Variants in OCA2 observed in about 807,000 individuals in gnomAD.
The protein encoded by OCA2 is OCA2 melanosomal transmembrane protein.
A neutral mutation model predicts 100.2 loss-of-function variants in OCA2; 77 were observed. The observed-to-expected ratio is 0.77, with a 90% CI of 0.64 to 0.93. The LOEUF (loss-of-function observed/expected upper bound fraction) is 0.93, where lower values mean the gene tolerates loss of function less well. Among genes scored for constraint, OCA2 ranks in the 40% least tolerant of loss-of-function variants. The probability of loss-of-function intolerance (pLI) is 0.00; values close to 1 mark genes in which losing one functional copy is unlikely to be tolerated. For synonymous variants in OCA2, 432 were observed against 439.2 expected, an observed-to-expected ratio of 0.98 and a Z score of 0.21; for missense variants, 1,062 against 1,089.1, an observed-to-expected ratio of 0.98 and a Z score of 0.35.
chr15:27,899,280 G>A (rs895690202), intron 19 of OCA2, among the ~76,000 whole-genome samples: 1 of 152,128 alleles, frequency 6.6e-6, no homozygotes, highest in Non-Finnish European at 1.5e-5. Context: ...ATAAATTCGG[G>A]TTAAGCCACT....
chr15:27,790,820 G>C (rs2033046289), intron 23 of OCA2, among the ~76,000 whole-genome samples: 1 of 138,928 alleles, frequency 7.2e-6, no homozygotes, highest in Non-Finnish European at 1.5e-5. Context: ...AGGGCAACTT[G>C]CTCTGTTGCC....
At position 27,913,880 on chromosome 15, in the gene OCA2, AAAGAAAGAAAGAAAGC is replaced by A. The variant is rs1164049693; in HGVS notation, c.2079+12231_2079+12246del. ...GAAAGAAAGAAAGAAAGAAAGAAAG[AAAGAAAGAAAGAAAGC>A]AAGCAAGCAAGCAAGCAAGCAAGCA... On this transcript the variant is annotated intron_variant, in intron 19 of 23. Transcript: ENST00000354638. Among the ~76,000 whole-genome samples the A allele has an allele frequency of 1.1e-3, 73 of 66,134 alleles. 1 individual carries two copies. Among genetic ancestry groups the A allele is most frequent in the Non-Finnish European group, 1.5e-3 (55 of 37,392 alleles). The allele number at this position is 66,134 out of a possible 152,430, so 43.4% of individuals were successfully genotyped here.
intron 21 of OCA2, among the ~76,000 whole-genome samples, chr15:27,866,458 G>C (rs1194153074): frequency 6.6e-6 from 1 of 152,232 alleles, no homozygotes; most frequent in East Asian, 1.9e-4. Context: ...AGGATGGCAG[G>C]CCAGGGAGGA....
At chr15:28,006,670 A>C (rs1384116401) in intron 9 of OCA2, among the ~76,000 whole-genome samples, 1 of 152,244 alleles carries the variant, frequency 6.6e-6, no homozygotes, top group Non-Finnish European at 1.5e-5. Flanking sequence ...TATCTCTGGA[A>C]CAAGGTAATG....
intron 19 of OCA2, among the ~76,000 whole-genome samples, chr15:27,879,760 CAGAT>C (rs530707610): frequency 6.0e-4 from 92 of 152,168 alleles, no homozygotes; most frequent in African/African-American, 2.1e-3. Flanking sequence ...AGACCTTTGT[CAGAT>C]AGATAGAGTG....
intron 23 of OCA2, among the ~76,000 whole-genome samples, chr15:27,819,840 T>A (rs2034438543): frequency 6.6e-6 from 1 of 152,202 alleles, no homozygotes; most frequent in Non-Finnish European, 1.5e-5. Context: ...AGATCTTGGC[T>A]TATAATACCA....
chr15:27,919,264 T>C (rs1199799069), intron 19 of OCA2, among the ~76,000 whole-genome samples: 1 of 152,132 alleles, frequency 6.6e-6, no homozygotes, highest in Non-Finnish European at 1.5e-5. Flanking sequence ...GCCATAATCC[T>C]TCATATTTAC....
At chr15:28,038,011 T>G (rs2043094153) in intron 2 of OCA2, among the ~76,000 whole-genome samples, 1 of 152,184 alleles carries the variant, frequency 6.6e-6, no homozygotes, top group African/African-American at 2.4e-5. Flanking sequence ...TCTTTCTCTC[T>G]TTCTCTTTCT....
chr15:27,968,453 G>C (rs1273325334), intron 14 of OCA2, among the ~76,000 whole-genome samples: 1 of 152,230 alleles, frequency 6.6e-6, no homozygotes, highest in Non-Finnish European at 1.5e-5. Context: ...CAGAACGTTA[G>C]TGAGGATCCC....
At chr15:28,037,196 T>C (rs570545226) in intron 2 of OCA2, among the ~76,000 whole-genome samples, 2 of 151,018 alleles carry the variant, frequency 1.3e-5, no homozygotes, top group East Asian at 3.9e-4. Flanking sequence ...AGCCTGGGAG[T>C]GGGACCAAGA....
intron 23 of OCA2, among the ~76,000 whole-genome samples, chr15:27,835,281 C>T (rs1465440131): frequency 2.0e-5 from 3 of 152,202 alleles, no homozygotes; most frequent in African/African-American, 7.2e-5. Context: ...TTCGCCAGCA[C>T]TAATATATTC....
intron 14 of OCA2, among the ~76,000 whole-genome samples, chr15:27,980,049 T>G (rs2041104762): frequency 6.6e-6 from 1 of 151,594 alleles, no homozygotes; most frequent in Admixed American, 6.6e-5. Context: ...TTCCAGGCTT[T>G]ATTTTATTGT....
At chr15:28,014,745 G>A (rs767270148) in intron 9 of OCA2, 31 bp downstream of exon 9, 1 of 1,607,128 alleles carries the variant, frequency 6.2e-7, no homozygotes, top group Non-Finnish European at 8.5e-7. Context: ...TGTGGGCCCA[G>A]ACAGATCGGG....
chr15:28,015,555 C>G (rs1200504188), intron 8 of OCA2, among the ~76,000 whole-genome samples: 1 of 152,014 alleles, frequency 6.6e-6, no homozygotes, highest in Admixed American at 6.6e-5. Flanking sequence ...GGATGGGTGT[C>G]CATACAAGGA....
At chr15:27,869,878 A>T (rs1405575608) in intron 21 of OCA2, among the ~76,000 whole-genome samples, 1 of 152,180 alleles carries the variant, frequency 6.6e-6, no homozygotes, top group African/African-American at 2.4e-5. Flanking sequence ...GGAGAGGTGG[A>T]GCCAGCTGGG....
chr15:27,922,680 G>GT (rs61038958), intron 19 of OCA2, among the ~76,000 whole-genome samples: 12,187 of 147,154 alleles, frequency 0.083, 674 homozygotes, highest in Non-Finnish European at 0.11. Flanking sequence ...TTTTGTTTGG[G>GT]GTGTGTGTGT....
At chr15:27,756,861 AG>A (rs1284285798) in intron 23 of OCA2, among the ~76,000 whole-genome samples, 1 of 152,230 alleles carries the variant, frequency 6.6e-6, no homozygotes, top group African/African-American at 2.4e-5. Context: ...GACTGGAGAA[AG>A]TTCCTGGTGG....
At chr15:27,845,825 C>G (rs1191079610) in intron 22 of OCA2, among the ~76,000 whole-genome samples, 1 of 152,204 alleles carries the variant, frequency 6.6e-6, no homozygotes, top group Non-Finnish European at 1.5e-5. Context: ...ATCTCCATCT[C>G]TCTCTCCTTC....
chr15:28,004,345 C>T (rs2042024031), intron 9 of OCA2, among the ~76,000 whole-genome samples: 2 of 152,226 alleles, frequency 1.3e-5, no homozygotes, highest in Non-Finnish European at 2.9e-5. Flanking sequence ...CCACCCAGCT[C>T]CCCAGAGCAC....
Sources: gnomAD v4.1 joint callset for allele counts (sites outside exome capture counted in the v4.1 genomes callset) on GRCh38, gnomAD v4.1.1 for gene constraint, MANE v1.5 for transcripts, NCBI Gene and HGNC (gene_info 2026-07-23, HGNC 2026-07-21) for gene names.